The following LMOD3 variants were observed in gnomAD, a reference collection of about 807,000 sequenced individuals.
The protein encoded by LMOD3 is leiomodin 3, also known as leiomodin-3.
A neutral mutation model predicts 41.8 loss-of-function variants in LMOD3; 31 were observed. The observed-to-expected ratio is 0.74, with a 90% CI of 0.56 to 1.00. The LOEUF (loss-of-function observed/expected upper bound fraction) is 1.00, where lower values mean the gene tolerates loss of function less well. Ranked by LOEUF, LMOD3 falls within the 50% of genes least tolerant of loss-of-function variation. The probability of loss-of-function intolerance (pLI) is 0.00; values close to 1 mark genes in which losing one functional copy is unlikely to be tolerated. For missense variants in LMOD3, 755 were observed against 679.5 expected, an observed-to-expected ratio of 1.11 and a Z score of -1.23; for synonymous variants, 292 against 241.9, an observed-to-expected ratio of 1.21 and a Z score of -1.92.
At chr3:69,110,854 ATAT>A (rs1399563255) in intron 2 of LMOD3, among the ~76,000 whole-genome samples, 14 of 87,162 alleles carry the variant, frequency 1.6e-4, no homozygotes, top group African/African-American at 5.2e-4. Flanking sequence ...AAAAAAAAAA[ATAT>A]ATATATATAT....
At chr3:69,116,597 T>G (rs1192612934) in intron 2 of LMOD3, among the ~76,000 whole-genome samples, 2 of 152,168 alleles carry the variant, frequency 1.3e-5, no homozygotes, top group Admixed American at 6.6e-5. Flanking sequence ...CATCATGAAT[T>G]TATTTTAATG....
intron 2 of LMOD3, among the ~76,000 whole-genome samples, chr3:69,114,442 A>AT (rs78966611): frequency 5.9e-5 from 9 of 152,070 alleles, no homozygotes; most frequent in Admixed American, 3.3e-4. Context: ...ATTTTCCTTT[A>AT]TTTTTTTGCC....
Position 69,119,938 on chromosome 3 carries a change from A to G in LMOD3, c.417T>C (p.Asn139=), listed in dbSNP as rs2107526866. The G allele has an allele frequency of 1.9e-6, 3 of 1,563,156 alleles. No homozygotes were observed. Among genetic ancestry groups the G allele is most frequent in the African/African-American group, 1.4e-5 (1 of 73,692 alleles). The part of the protein sequence containing the change: ...ANKRESKGSS[N]IQETDEEDEE... Reference sequence around the variant, plus strand: ...CATCTTCTTCATCTGTTTCTTGGATATTGCTGCTGCCCTTTGATTCTCTTT... The same window carrying G: ...CATCTTCTTCATCTGTTTCTTGGATGTTGCTGCTGCCCTTTGATTCTCTTT... The change falls in exon 2 of 3, where the codon AAT becomes AAC. Residue 139 remains asparagine (N), a synonymous_variant. Transcript: ENST00000420581.
At chr3:69,118,107 G>A (rs2092385034) in intron 2 of LMOD3, among the ~76,000 whole-genome samples, 1 of 152,204 alleles carries the variant, frequency 6.6e-6, no homozygotes. Context: ...TGGGATTACA[G>A]GCGTGAGCCA....
chr3:69,120,114 T>A, intron 1 of LMOD3, 54 bp from the exon 2 acceptor site: 2 of 1,514,076 alleles, frequency 1.3e-6, no homozygotes, highest in Non-Finnish European at 1.8e-6. Context: ...AAATATGAAG[T>A]GGAGCATCAG....
chr3:69,109,520 CTTTTTTTTTTTTTTT>C (rs923225067), intron 2 of LMOD3, among the ~76,000 whole-genome samples: 3 of 98,712 alleles, frequency 3.0e-5, no homozygotes, highest in Non-Finnish European at 5.5e-5. Context: ...CATGTTAACA[CTTTTTTTTTTTTTTT>C]TTTTTTTTTT....
In LMOD3 at chr3:69,119,471, T is replaced by A. The variant is rs1170085948; in HGVS notation, c.884A>T (p.Asp295Val). ...KTFSLANVGA[D>V]ENVAFALANM... ...AGCCAAGGCAAATGCTACATTCTCA[T>A]CTGCACCCACATTGGCTAAACTGAA... The change falls in exon 2 of 3, where the codon GAT (aspartate) becomes GTT (valine). Residue 295 changes from aspartate (D) to valine (V), a missense_variant. Asp to Val is a radical substitution (Grantham distance 152). Coordinates refer to ENST00000420581, the MANE Select transcript of LMOD3 (RefSeq NM_198271.5). The A allele has an allele frequency of 1.9e-6, 3 of 1,614,038 alleles. No homozygotes were observed. Among genetic ancestry groups the A allele is most frequent in the Non-Finnish European group, 2.5e-6 (3 of 1,179,898 alleles).
Position 69,119,995 on chromosome 3 carries a change from T to C in LMOD3, c.360A>G (p.Lys120=). 1 of 1,607,072 alleles carries C rather than the reference T, an allele frequency of 6.2e-7. No individual in the cohort carries two copies. The highest frequency in any genetic ancestry group is 8.5e-7 in the Non-Finnish European group (1 of 1,176,288). The change falls in exon 2 of 3, where the codon AAA becomes AAG. Residue 120 remains lysine (K), a synonymous_variant. Transcript: ENST00000420581. ...CAACTATTTCATTATTGAGCTTTTC[T>C]TTTAAATACTGGGCCATATTTTTAT... The part of the protein sequence containing the change: ...KRNKNMAQYL[K]EKLNNEIVAN...
At chr3:69,117,530 A>G (rs1385470768) in intron 2 of LMOD3, among the ~76,000 whole-genome samples, 1 of 152,198 alleles carries the variant, frequency 6.6e-6, no homozygotes, top group Non-Finnish European at 1.5e-5. Flanking sequence ...ACATCTTTCA[A>G]CCTCAATAAA....
Position 69,119,658 on chromosome 3 carries a change from T to C in LMOD3, c.697A>G (p.Arg233Gly). ...AGGTCTGTCTGGTTTCCTGAAGGCC[T>C]TGTACTTACCTTCAAAAAGCTGGTG... ...LDTSFLKVST[R>G]PSGNQTDLDG... The change falls in exon 2 of 3, where the codon AGG becomes GGG. Residue 233 changes from arginine (R) to glycine (G), a missense_variant. Physicochemically the swap from Arg to Gly is moderately radical, Grantham distance 125. Coordinates refer to ENST00000420581, the MANE Select transcript of LMOD3 (RefSeq NM_198271.5). 6.2e-7 allele frequency: 1 copy of C among 1,613,956 alleles called. No individual in the cohort carries two copies. Among genetic ancestry groups the C allele is most frequent in the South Asian group, 1.1e-5 (1 of 91,076 alleles).
In LMOD3 at chr3:69,108,448, G is replaced by A. The variant is rs745452054; in HGVS notation, c.*647C>T. ...GTTTTCACCATGTTCTGTGGCTTAC[G>A]TGTTCTGCCCCTCACAGGTACCCCT... On this transcript the variant is annotated 3_prime_UTR_variant, in exon 3 of 3. Transcript: ENST00000420581. The A allele has an allele frequency of 6.6e-6, 1 of 151,920 alleles. No homozygotes were observed. The highest frequency in any genetic ancestry group is 1.5e-5 in the Non-Finnish European group (1 of 68,016). The allele number at this position is 151,920 out of a possible 1,614,324, so 9.4% of individuals were successfully genotyped here. A position where few individuals can be genotyped will look rare whatever the true frequency, so the allele number is the denominator to read the frequency against.
At chr3:69,115,584 G>C (rs1194133336) in intron 2 of LMOD3, among the ~76,000 whole-genome samples, 6 of 151,954 alleles carry the variant, frequency 3.9e-5, no homozygotes, top group Admixed American at 2.6e-4. Flanking sequence ...TACACACACA[G>C]AGAACCCCAC....
At position 69,109,085 on chromosome 3, in the gene LMOD3, C is replaced by G; in HGVS notation, c.*10G>C. On this transcript the variant is annotated 3_prime_UTR_variant, in exon 3 of 3. Coordinates refer to ENST00000420581, the MANE Select transcript of LMOD3 (RefSeq NM_198271.5). ...CCATTTCTTGTTCTTCTAGATGGCTCTGTTGCCTCTTACGCCAGTTCTTTT... is the reference window on the plus strand; with the variant it reads ...CCATTTCTTGTTCTTCTAGATGGCTGTGTTGCCTCTTACGCCAGTTCTTTT... 6.3e-7 allele frequency: 1 copy of G among 1,596,628 alleles called. No individual in the cohort carries two copies. Among genetic ancestry groups the G allele is most frequent in the Non-Finnish European group, 8.5e-7 (1 of 1,170,802 alleles).
At position 69,107,717 on chromosome 3, in the gene LMOD3, T is replaced by G. The variant is rs2092329762; in HGVS notation, c.*1378A>C. The stretch of plus-strand genomic sequence containing the variant: ...GTCTCGAACTCCTGACCTCTGGAGA[T>G]CCTCCCTCCCTGGCCTCCCATAGTG... On this transcript the variant is annotated 3_prime_UTR_variant, in exon 3 of 3. Coordinates refer to ENST00000420581, the MANE Select transcript of LMOD3 (RefSeq NM_198271.5). The G allele has an allele frequency of 6.6e-6, 1 of 151,898 alleles. No individual in the cohort carries two copies. Among genetic ancestry groups the G allele is most frequent in the Admixed American group, 6.6e-5 (1 of 15,214 alleles). 9.4% of individuals were successfully genotyped at this position (151,898 alleles called of 1,614,324 possible). A position where few individuals can be genotyped will look rare whatever the true frequency, so the allele number is the denominator to read the frequency against.
Position 69,119,716 on chromosome 3 carries a change from T to C in LMOD3, c.639A>G (p.Ile213Met), listed in dbSNP as rs770735458. The C allele has an allele frequency of 1.9e-6, 3 of 1,613,890 alleles. No homozygotes were observed. The highest frequency in any genetic ancestry group is 1.6e-4 in the Middle Eastern group (1 of 6,084). Residue 213 changes from isoleucine (I) to methionine (M), a missense_variant, in exon 2 of 3, where the codon ATA (isoleucine) becomes ATG (methionine). Coordinates refer to ENST00000420581, the MANE Select transcript of LMOD3 (RefSeq NM_198271.5). ...CTAACTTCTTAGGATCTAATTTCGATATTTTTTTCTCACTTTGTTCTTGGG... is the reference window on the plus strand; with the variant it reads ...CTAACTTCTTAGGATCTAATTTCGACATTTTTTTCTCACTTTGTTCTTGGG... ...PEAQEQSEKK[I>M]SKLDPKKLAL...
chr3:69,117,153 A>G (rs891351710), intron 2 of LMOD3, among the ~76,000 whole-genome samples: 3 of 152,294 alleles, frequency 2.0e-5, no homozygotes, highest in South Asian at 2.1e-4. Context: ...GCAAAGAACC[A>G]TTGTCTGACC....
rs774850879 is a variant in LMOD3, at chr3:69,122,255, A to G, written c.132T>C (p.Pro44=). The stretch of plus-strand genomic sequence containing the variant: ...TCATTCCCACGGGAAGGCTGGGGTC[A>G]GGGGCCATGACTTCCATTTCCGACT... ...ELQSEMEVMA[P]DPSLPVGMIQ... is the part of the protein sequence containing the mutation. Residue 44 remains proline, a synonymous_variant, in exon 1 of 3, where the codon CCT becomes CCC. Coordinates refer to ENST00000420581, the MANE Select transcript of LMOD3 (RefSeq NM_198271.5). 5.6e-5 allele frequency: 91 copies of G among 1,613,564 alleles called. No individual in the cohort carries two copies. Among genetic ancestry groups the G allele is most frequent in the Non-Finnish European group, 9.3e-6 (11 of 1,179,774 alleles).
At chr3:69,117,501 T>C (rs1045816052) in intron 2 of LMOD3, among the ~76,000 whole-genome samples, 3 of 152,186 alleles carry the variant, frequency 2.0e-5, no homozygotes, top group African/African-American at 7.2e-5. Context: ...TAATTATCAA[T>C]CACCTGCGGC....
At position 69,107,485 on chromosome 3, in the gene LMOD3, T is replaced by TTTTTTTTTTTTTTTTTTTC. The variant is rs2092328625; in HGVS notation, c.*1609_*1610insGAAAAAAAAAAAAAAAAAA. On this transcript the variant is annotated 3_prime_UTR_variant, in exon 3 of 3. Coordinates refer to ENST00000420581, the MANE Select transcript of LMOD3 (RefSeq NM_198271.5). ...TTTTTTTTTTTTTTTTTTTTTTTTT[T>TTTTTTTTTTTTTTTTTTTC]TTTTTTTTTGAGATGGAGTATCACT... 1 of 121,172 alleles carries TTTTTTTTTTTTTTTTTTTC rather than the reference T, an allele frequency of 8.3e-6. No homozygotes were observed. The highest frequency in any genetic ancestry group is 3.5e-5 in the African/African-American group (1 of 28,736). 7.5% of individuals were successfully genotyped at this position (121,172 alleles called of 1,614,324 possible). A position where few individuals can be genotyped will look rare whatever the true frequency, so the allele number is the denominator to read the frequency against.
Sources: allele counts gnomAD v4.1 joint callset (sites outside exome capture counted in the v4.1 genomes callset), GRCh38; gene constraint gnomAD v4.1.1; transcripts MANE v1.5; gene names NCBI Gene and HGNC (gene_info 2026-07-23, HGNC 2026-07-21).